Variants in NECTIN1 observed in about 807,000 individuals in gnomAD.
NECTIN1 encodes nectin cell adhesion molecule 1.
A neutral mutation model predicts 48.0 loss-of-function variants in NECTIN1; 23 were observed. That is an observed-to-expected ratio of 0.48 (90% CI 0.34 to 0.68). The LOEUF is 0.68. Among genes scored for constraint, NECTIN1 ranks in the 30% least tolerant of loss-of-function variants. The pLI is 0.01. For missense variants in NECTIN1, 591 were observed against 709.9 expected (o/e 0.83, Z 1.90); for synonymous variants, 270 against 288.9 (o/e 0.93, Z 0.66).
rs755503201 is a variant in NECTIN1 at position 119,724,078 on chromosome 11, C to A, written c.79+4397G>T. Among the ~76,000 whole-genome samples, 6 of 152,246 alleles carry A rather than the reference C, an allele frequency of 3.9e-5. No homozygotes were observed. In the East Asian group the frequency reaches 1.2e-3, roughly 29 times the overall value. On this transcript the variant is annotated intron_variant, in intron 1 of 5. Transcript: ENST00000264025. ...CACACGTATGTTGTCCACCTGGGCACACACAGCTCTGCAGGGCCCTCATGG... is the reference window on the plus strand; with the variant it reads ...CACACGTATGTTGTCCACCTGGGCAAACACAGCTCTGCAGGGCCCTCATGG...
chr11:119,706,083 C>T (rs1266952840), intron 1 of NECTIN1, among the ~76,000 whole-genome samples: 1 of 152,204 alleles, frequency 6.6e-6, no homozygotes, highest in Non-Finnish European at 1.5e-5. Context: ...CCCTCAGCTG[C>T]AGCCTCCCCT....
downstream of NECTIN1, among the ~76,000 whole-genome samples, chr11:119,659,695 C>A (rs2135538378): frequency 6.6e-6 from 1 of 152,312 alleles, no homozygotes; most frequent in African/African-American, 2.4e-5. Flanking sequence ...GCCCAAAGCT[C>A]TGTCCAGAGG....
In NECTIN1 at chr11:119,664,499, T is replaced by TA. The variant is rs1259246511; in HGVS notation, c.*247dup. The TA allele has an allele frequency of 7.3e-7, 1 of 1,368,276 alleles. No homozygotes were observed. Among genetic ancestry groups the TA allele is most frequent in the Non-Finnish European group, 9.4e-7 (1 of 1,062,372 alleles). The allele number at this position is 1,368,276 out of a possible 1,614,324, so 84.8% of individuals were successfully genotyped here. A position where few individuals can be genotyped will look rare whatever the true frequency, so the allele number is the denominator to read the frequency against. On this transcript the variant is annotated 3_prime_UTR_variant, in exon 6 of 6. Coordinates refer to ENST00000264025, the MANE Select transcript of NECTIN1 (RefSeq NM_002855.5). ...GCAGGTGGGGCCCGTAAAGGGAAGATACAGTAACACTAAAGCCACAGTCGA... is the reference window on the plus strand; with the variant it reads ...GCAGGTGGGGCCCGTAAAGGGAAGATAACAGTAACACTAAAGCCACAGTCGA...
At position 119,664,967 on chromosome 11, in the gene NECTIN1, CCCTCCT is replaced by C. The variant is rs137909701; in HGVS notation, c.1328_1333del (p.Glu443_Glu444del). ...CACCTTGCGCTCGCCCCCTCCACCGCCCTCCTCCTCCTCCTCCTCCTCCTCATAGCT... is the reference window on the plus strand; with the variant it reads ...CACCTTGCGCTCGCCCCCTCCACCGCCCTCCTCCTCCTCCTCCTCATAGCT... On this transcript the variant is annotated inframe_deletion, in exon 6 of 6. Coordinates refer to ENST00000264025, the MANE Select transcript of NECTIN1 (RefSeq NM_002855.5). 2.1e-4 allele frequency: 345 copies of C among 1,610,502 alleles called. 2 individuals carry two copies. Among genetic ancestry groups the C allele is most frequent in the African/African-American group, 1.7e-4 (13 of 74,652 alleles).
chr11:119,668,721 A>G (rs1306858076), intron 5 of NECTIN1, among the ~76,000 whole-genome samples: 3 of 152,234 alleles, frequency 2.0e-5, no homozygotes, highest in Non-Finnish European at 4.4e-5. Context: ...TCATTCCATT[A>G]ATCACATACT....
Position 119,677,319 on chromosome 11 carries a change from A to G in NECTIN1, c.734-100T>C. On this transcript the variant is annotated intron_variant, in intron 3 of 5. Transcript: ENST00000264025. This position sits in a 1 kb window ranked among gnomAD's most constrained non-coding sequence, Gnocchi z 5.4. ...AGGGATGGAAGGAGCAGTGGCATGG[A>G]AACAGCCAGGAGAGAGGGAAGTGTG... The G allele has an allele frequency of 3.4e-6, 4 of 1,165,178 alleles. No individual in the cohort carries two copies. In the South Asian group the frequency reaches 3.7e-5, roughly 11 times the overall value. 72.2% of individuals were successfully genotyped at this position (1,165,178 alleles called of 1,614,324 possible). A position where few individuals can be genotyped will look rare whatever the true frequency, so the allele number is the denominator to read the frequency against.
Position 119,673,155 on chromosome 11 carries a change from C to T in NECTIN1, c.1003+2004G>A, listed in dbSNP as rs558858735. Among the ~76,000 whole-genome samples the T allele has an allele frequency of 1.3e-5, 2 of 152,308 alleles. No homozygotes were observed. The highest frequency in any genetic ancestry group is 2.4e-5 in the African/African-American group (1 of 41,576). ...CCCCAGAGAATGTGGCAGGCACGGG[C>T]CGACGTGGAATGGAGGGTGGTGAGG... On this transcript the variant is annotated intron_variant, in intron 5 of 5. Coordinates refer to ENST00000264025, the MANE Select transcript of NECTIN1 (RefSeq NM_002855.5). The surrounding 1 kb of genome is among the most constrained non-coding windows in gnomAD (Gnocchi z 5.8).
At position 119,678,050 on chromosome 11, in the gene NECTIN1, C is replaced by T. The variant is rs1189473409; in HGVS notation, c.431-193G>A. 6.6e-6 allele frequency among the ~76,000 whole-genome samples: 1 copy of T among 152,156 alleles called. No individual in the cohort carries two copies. The highest frequency in any genetic ancestry group is 1.9e-4 in the East Asian group (1 of 5,196). On this transcript the variant is annotated intron_variant, in intron 2 of 5. Transcript: ENST00000264025. This position sits in a 1 kb window ranked among gnomAD's most constrained non-coding sequence, Gnocchi z 4.4. ...TCATCATGTCTAACGTTATGTCCTC[C>T]CTGCCCTACTAGTCATATCCCTGTC...
chr11:119,660,318 G>C (rs548922240), downstream of NECTIN1, among the ~76,000 whole-genome samples: 4 of 152,220 alleles, frequency 2.6e-5, no homozygotes, highest in African/African-American at 9.6e-5. Flanking sequence ...ATGGGAAGCA[G>C]ATGGTGCTGG....
intron 1 of NECTIN1, among the ~76,000 whole-genome samples, chr11:119,716,380 C>T (rs947926847): frequency 6.6e-6 from 1 of 152,114 alleles, no homozygotes; most frequent in Admixed American, 6.5e-5. Context: ...GGTGCGAAGG[C>T]TTTCCCTGGA....
intron 1 of NECTIN1, among the ~76,000 whole-genome samples, chr11:119,707,399 C>T (rs759949654): frequency 6.6e-6 from 1 of 152,186 alleles, no homozygotes; most frequent in Non-Finnish European, 1.5e-5. Context: ...TAAAGGTCAC[C>T]TCCACCTTCT....
In NECTIN1 at chr11:119,664,146, G is replaced by A. The variant is rs919896579; in HGVS notation, c.*601C>T. The A allele has an allele frequency of 4.8e-5, 47 of 986,212 alleles. No individual in the cohort carries two copies. In the African/African-American group the frequency reaches 6.5e-4, roughly 14 times the overall value. The allele number at this position is 986,212 out of a possible 1,614,324, so 61.1% of individuals were successfully genotyped here. On this transcript the variant is annotated 3_prime_UTR_variant, in exon 6 of 6. Coordinates refer to ENST00000264025, the MANE Select transcript of NECTIN1 (RefSeq NM_002855.5). ...GCAGGAAAACACTGCCCAAGGCCCC[G>A]CTTAACAAACAAGACTCCCTGGGAA... is the stretch of plus-strand genomic sequence containing the variant.
intron 5 of NECTIN1, among the ~76,000 whole-genome samples, chr11:119,648,829 G>T (rs1040203741): frequency 1.3e-5 from 2 of 152,108 alleles, no homozygotes; most frequent in Admixed American, 6.5e-5. Context: ...CCCTGAGGGT[G>T]GGAATTCCAG....
chr11:119,722,890 T>C (rs1022279169), intron 1 of NECTIN1, among the ~76,000 whole-genome samples: 8 of 152,260 alleles, frequency 5.3e-5, no homozygotes, highest in African/African-American at 1.7e-4. Flanking sequence ...CTACGCACTT[T>C]TCATACAACA....
At chr11:119,697,936 G>A (rs546293294) in intron 1 of NECTIN1, among the ~76,000 whole-genome samples, 2 of 152,388 alleles carry the variant, frequency 1.3e-5, no homozygotes, top group South Asian at 4.1e-4. Context: ...GAAGCCCTCG[G>A]TGTCCTGCCC....
chr11:119,646,464 C>T (rs974249678), intron 5 of NECTIN1, among the ~76,000 whole-genome samples: 4 of 152,220 alleles, frequency 2.6e-5, no homozygotes, highest in South Asian at 2.1e-4. Flanking sequence ...CGTAGAATCT[C>T]GGCTGCTTCA....
In NECTIN1 at chr11:119,665,329, A is replaced by T; in HGVS notation, c.1004-32T>A. 2 of 1,556,396 alleles carry T rather than the reference A, an allele frequency of 1.3e-6. No individual in the cohort carries two copies. The highest frequency in any genetic ancestry group is 2.4e-5 in the South Asian group (2 of 83,326). On this transcript the variant is annotated intron_variant, in intron 5 of 5. Coordinates refer to ENST00000264025, the MANE Select transcript of NECTIN1 (RefSeq NM_002855.5). This position sits in a 1 kb window ranked among gnomAD's most constrained non-coding sequence, Gnocchi z 5.1. Reference sequence around the variant, plus strand: ...GAGGAAAAGAGATGGAGGGGACAGCATCAGCGTGTGCTCCTGGGGTGTAGA... The same window carrying T: ...GAGGAAAAGAGATGGAGGGGACAGCTTCAGCGTGTGCTCCTGGGGTGTAGA...
chr11:119,712,443 G>C (rs1022022521), intron 1 of NECTIN1, among the ~76,000 whole-genome samples: 1 of 149,954 alleles, frequency 6.7e-6, no homozygotes, highest in Non-Finnish European at 1.5e-5. Flanking sequence ...TGGGAGACAG[G>C]GGCCTCACCT....
chr11:119,698,695 T>C (rs2135568664), intron 1 of NECTIN1, among the ~76,000 whole-genome samples: 1 of 152,308 alleles, frequency 6.6e-6, no homozygotes, highest in East Asian at 1.9e-4. Context: ...AAACCCCAGT[T>C]TCTAATACTT....
Sources: gnomAD v4.1 joint callset for allele counts (sites outside exome capture counted in the v4.1 genomes callset) on GRCh38, gnomAD v4.1.1 for gene constraint, Gnocchi (gnomAD v3.1) non-coding constraint, MANE v1.5 for transcripts, NCBI Gene and HGNC (gene_info 2026-07-23, HGNC 2026-07-21) for gene names.